LRMDA: variants seen among roughly 807,000 people sequenced by gnomAD.
The protein encoded by LRMDA is leucine-rich melanocyte differentiation-associated protein.
Under a neutral mutation model 29.8 loss-of-function variants are expected in LRMDA, and 18 were observed. The observed-to-expected ratio is 0.60, with a 90% confidence interval of 0.42 to 0.90. The LOEUF is 0.90. Among genes scored for constraint, LRMDA ranks in the 40% least tolerant of loss-of-function variants. The pLI is 0.00. For synonymous variants in LRMDA, 125 were observed against 109.4 expected, an observed-to-expected ratio of 1.14 and a Z score of -0.89; for missense variants, 273 against 273.9, an observed-to-expected ratio of 1.00 and a Z score of 0.02.
At chr10:76,198,598 A>G (rs112993699) in intron 5 of LRMDA, among the ~76,000 whole-genome samples, 45 of 152,320 alleles carry the variant, frequency 3.0e-4, no homozygotes, top group African/African-American at 1.0e-3. Flanking sequence ...GCATCGCCCT[A>G]TTCTAGGTTA....
At chr10:76,524,738 G>A (rs1012876805) in intron 6 of LRMDA, among the ~76,000 whole-genome samples, 3 of 152,174 alleles carry the variant, frequency 2.0e-5, no homozygotes, top group African/African-American at 7.2e-5. Flanking sequence ...CCGTGAGTCT[G>A]GAAGGACCAG....
intron 5 of LRMDA, among the ~76,000 whole-genome samples, chr10:76,206,120 A>G (rs1329067268): frequency 6.6e-6 from 1 of 152,146 alleles, no homozygotes; most frequent in Non-Finnish European, 1.5e-5. Context: ...GTCGATGATG[A>G]CCTAAGAGAA....
intron 5 of LRMDA, among the ~76,000 whole-genome samples, chr10:76,143,359 T>G (rs1250700229): frequency 6.6e-6 from 1 of 152,190 alleles, no homozygotes; most frequent in Admixed American, 6.5e-5. Flanking sequence ...ACCTGTTGTT[T>G]CCTGACTTTT....
intron 2 of LRMDA, among the ~76,000 whole-genome samples, chr10:75,665,644 T>G (rs117890559): frequency 0.011 from 1,737 of 152,340 alleles, 18 homozygotes; most frequent in Non-Finnish European, 0.02. Context: ...CCTGAAGTGA[T>G]GTGAAATTAT....
intron 2 of LRMDA, among the ~76,000 whole-genome samples, chr10:75,700,886 G>A (rs1748305520): frequency 6.6e-6 from 1 of 152,086 alleles, no homozygotes; most frequent in African/African-American, 2.4e-5. Flanking sequence ...GCCCAGGTGT[G>A]TTCGATTCCA....
chr10:75,494,960 A>G (rs1284364227), intron 2 of LRMDA, among the ~76,000 whole-genome samples: 2 of 152,196 alleles, frequency 1.3e-5, no homozygotes, highest in African/African-American at 4.8e-5. Context: ...TCCACATTCC[A>G]GGCTGGCAGC....
In LRMDA at chr10:75,602,219, G is replaced by A. The variant is rs188161494; in HGVS notation, c.131+163725G>A. Among the ~76,000 whole-genome samples the A allele has an allele frequency of 3.3e-5, 5 of 152,070 alleles. 1 individual carries two copies. Among genetic ancestry groups the A allele is most frequent in the South Asian group, 4.2e-4 (2 of 4,816 alleles). On this transcript the variant is annotated intron_variant, in intron 2 of 6. Transcript: ENST00000611255. Reference sequence around the variant, plus strand: ...CCCCAAATATTCCAAATGATGCACCGTTACTGTCACTAATGATTTGGAGTT... The same window carrying A: ...CCCCAAATATTCCAAATGATGCACCATTACTGTCACTAATGATTTGGAGTT...
At chr10:76,221,632 T>TGGA (rs750991395) in intron 5 of LRMDA, among the ~76,000 whole-genome samples, 63 of 152,286 alleles carry the variant, frequency 4.1e-4, no homozygotes, top group South Asian at 1.5e-3. Flanking sequence ...TACAAACAAA[T>TGGA]GGAAGAGCAT....
chr10:75,990,976 T>C (rs1425395518), intron 2 of LRMDA, among the ~76,000 whole-genome samples: 2 of 152,126 alleles, frequency 1.3e-5, no homozygotes, highest in African/African-American at 4.8e-5. Flanking sequence ...TTGATAGCAG[T>C]TGAACTTCCC....
chr10:76,256,400 G>C (rs1852594026), intron 5 of LRMDA, among the ~76,000 whole-genome samples: 1 of 152,134 alleles, frequency 6.6e-6, no homozygotes, highest in Non-Finnish European at 1.5e-5. Context: ...TTGTGCTTCA[G>C]TCGGAGTCCT....
rs896556324 is a variant in LRMDA, at chr10:76,245,457, A to C, written c.517-78944A>C. Reference sequence around the variant, plus strand: ...TATGTTGAGGTCAGCTTCCATGTACATTTCCCTATGTCTCCGAGCACATTC... The same window carrying C: ...TATGTTGAGGTCAGCTTCCATGTACCTTTCCCTATGTCTCCGAGCACATTC... On this transcript the variant is annotated intron_variant, in intron 5 of 6. Coordinates refer to ENST00000611255, the MANE Select transcript of LRMDA (RefSeq NM_001305581.2). Among the ~76,000 whole-genome samples, 7 of 152,076 alleles carry C rather than the reference A, an allele frequency of 4.6e-5. 1 individual carries two copies. In the South Asian group the frequency reaches 1.2e-3, roughly 27 times the overall value.
At chr10:75,959,101 T>C (rs911126378) in intron 2 of LRMDA, among the ~76,000 whole-genome samples, 4 of 152,154 alleles carry the variant, frequency 2.6e-5, no homozygotes, top group African/African-American at 7.2e-5. Context: ...AGAGAGCAAA[T>C]GGATCCGCCT....
chr10:75,952,303 A>T lies in LRMDA; in HGVS notation c.132-83705A>T, dbSNP rs1846590621. 2.0e-5 allele frequency among the ~76,000 whole-genome samples: 3 copies of T among 152,214 alleles called. No homozygotes were observed. The South Asian group carries it at 6.2e-4, about 31-fold the overall frequency. On this transcript the variant is annotated intron_variant, in intron 2 of 6. Transcript: ENST00000611255. ...AATTGAAAATATTGATTGGCAGTACAGTTAAGTTGTCAACACAACCATTTA... is the reference window on the plus strand; with the variant it reads ...AATTGAAAATATTGATTGGCAGTACTGTTAAGTTGTCAACACAACCATTTA...
rs563008206 is a variant in LRMDA at position 76,324,416 on chromosome 10, G to A, written c.532G>A (p.Val178Ile). Residue 178 changes from valine (V) to isoleucine (I), a missense_variant, in exon 6 of 7, where the codon GTT becomes ATT. By Grantham distance (29) the Val-to-Ile change is conservative. Transcript: ENST00000611255. ...TGTCACACAGGCTTCTAGTGAGGAC[G>A]TTGCCAGCTCCCCGGAGCGCCACTA... ...VVKPKASSED[V>I]ASSPERHYTP... 10 of 1,614,070 alleles carry A rather than the reference G, an allele frequency of 6.2e-6. No individual in the cohort carries two copies. Among genetic ancestry groups the A allele is most frequent in the South Asian group, 2.2e-5 (2 of 91,060 alleles).
At chr10:75,896,753 T>C (rs1038301292) in intron 2 of LRMDA, among the ~76,000 whole-genome samples, 10 of 152,090 alleles carry the variant, frequency 6.6e-5, no homozygotes, top group Non-Finnish European at 1.5e-4. Flanking sequence ...TCCGCCCCAC[T>C]TCTCTCTTAC....
intron 5 of LRMDA, among the ~76,000 whole-genome samples, chr10:76,104,971 C>A (rs1849456879): frequency 1.3e-5 from 2 of 152,196 alleles, no homozygotes; most frequent in African/African-American, 2.4e-5. Context: ...GCCATTCTCT[C>A]TGCCTGCAAG....
intron 2 of LRMDA, among the ~76,000 whole-genome samples, chr10:75,596,608 G>A (rs1029635105): frequency 6.6e-6 from 1 of 151,978 alleles, no homozygotes; most frequent in Non-Finnish European, 1.5e-5. Context: ...TGATGTTTTA[G>A]CACATATGTC....
chr10:76,542,211 T>A (rs1843365804), intron 6 of LRMDA, among the ~76,000 whole-genome samples: 1 of 152,228 alleles, frequency 6.6e-6, no homozygotes, highest in African/African-American at 2.4e-5. Context: ...TTATGTATAA[T>A]AGATGACCTG....
At chr10:76,249,177 T>C (rs1852428361) in intron 5 of LRMDA, among the ~76,000 whole-genome samples, 1 of 152,244 alleles carries the variant, frequency 6.6e-6, no homozygotes, top group Admixed American at 6.5e-5. Context: ...AAAACTCAGA[T>C]ATTACTCCCC....
Sources: gnomAD v4.1 joint callset for allele counts (sites outside exome capture counted in the v4.1 genomes callset) on GRCh38, gnomAD v4.1.1 for gene constraint, MANE v1.5 for transcripts, NCBI Gene and HGNC (gene_info 2026-07-23, HGNC 2026-07-21) for gene names.